CTNNA3: variants seen among roughly 807,000 people sequenced by gnomAD.
CTNNA3 encodes the protein catenin alpha 3, also known as catenin alpha-3.
Under a neutral mutation model 95.7 loss-of-function variants are expected in CTNNA3, and 76 were observed. The ratio of observed to expected loss-of-function variants is 0.79; its 90% CI spans 0.66 to 0.96. The LOEUF (loss-of-function observed/expected upper bound fraction) is 0.96. Among genes scored for constraint, CTNNA3 ranks in the 40% least tolerant of loss-of-function variants. The pLI is 0.00. For synonymous variants in CTNNA3, 431 were observed against 374.4 expected (o/e 1.15, Z -1.74); for missense variants, 1,191 against 1,089.8 (o/e 1.09, Z -1.31).
intron 3 of CTNNA3, among the ~76,000 whole-genome samples, chr10:67,547,726 A>G (rs1200658806): frequency 6.6e-6 from 1 of 152,246 alleles, no homozygotes; most frequent in Non-Finnish European, 1.5e-5. Context: ...ATAAAAATTT[A>G]GTGAAGATAA....
At chr10:67,553,641 T>C (rs1841113313) in intron 3 of CTNNA3, among the ~76,000 whole-genome samples, 1 of 152,184 alleles carries the variant, frequency 6.6e-6, no homozygotes, top group Admixed American at 6.5e-5. Flanking sequence ...AGTCATCACT[T>C]ACACAATGGA....
intron 11 of CTNNA3, among the ~76,000 whole-genome samples, chr10:66,454,159 C>T (rs886996367): frequency 1.3e-5 from 2 of 152,156 alleles, no homozygotes; most frequent in African/African-American, 4.8e-5. Flanking sequence ...TTCCCCCCTG[C>T]AGTCTCTAGG....
intron 12 of CTNNA3, among the ~76,000 whole-genome samples, chr10:66,343,060 T>C (rs2092469482): frequency 6.6e-6 from 1 of 152,032 alleles, no homozygotes; most frequent in African/African-American, 2.4e-5. Context: ...TGGCAGAGTT[T>C]AAAGTCTCTG....
At chr10:67,069,162 G>A (rs544856348) in intron 7 of CTNNA3, among the ~76,000 whole-genome samples, 2 of 152,156 alleles carry the variant, frequency 1.3e-5, no homozygotes, top group South Asian at 4.2e-4. Flanking sequence ...TGGCAACAGT[G>A]AAAGTAGGCT....
At chr10:66,503,465 C>A (rs189313690) in intron 11 of CTNNA3, among the ~76,000 whole-genome samples, 59 of 148,828 alleles carry the variant, frequency 4.0e-4, no homozygotes, top group Non-Finnish European at 3.1e-4. Context: ...ATAACTCCCT[C>A]CAAAAACAGA....
intron 7 of CTNNA3, among the ~76,000 whole-genome samples, chr10:66,973,872 T>G (rs1849870748): frequency 6.6e-6 from 1 of 152,168 alleles, no homozygotes; most frequent in Non-Finnish European, 1.5e-5. Context: ...TTTATCCCCC[T>G]CGGCCTCCCA....
intron 9 of CTNNA3, among the ~76,000 whole-genome samples, chr10:66,659,021 A>T (rs1846164038): frequency 6.6e-6 from 1 of 152,034 alleles, no homozygotes; most frequent in Admixed American, 6.6e-5. Flanking sequence ...TCATTCATTT[A>T]TTCACTCATT....
chr10:66,901,071 A>G (rs1845723318), intron 7 of CTNNA3, among the ~76,000 whole-genome samples: 1 of 152,156 alleles, frequency 6.6e-6, no homozygotes, highest in Admixed American at 6.5e-5. Context: ...CAAGACACAT[A>G]CTTGTCAGAT....
intron 17 of CTNNA3, among the ~76,000 whole-genome samples, chr10:65,949,583 TG>T (rs1341496736): frequency 6.6e-6 from 1 of 152,064 alleles, no homozygotes; most frequent in African/African-American, 2.4e-5. Flanking sequence ...GAAAAAAGCA[TG>T]GGGAGGTAGG....
chr10:66,155,973 C>CACTTTG (rs2133918115), intron 13 of CTNNA3, among the ~76,000 whole-genome samples: 1 of 151,932 alleles, frequency 6.6e-6, no homozygotes, highest in South Asian at 2.1e-4. Context: ...ATTGAAAAGA[C>CACTTTG]ACTTTATCAA....
chr10:67,433,641 A>G (rs896003607), intron 5 of CTNNA3, among the ~76,000 whole-genome samples: 2 of 152,076 alleles, frequency 1.3e-5, no homozygotes, highest in South Asian at 2.1e-4. Context: ...TAAGAATTCA[A>G]TGTATTGAAT....
intron 5 of CTNNA3, among the ~76,000 whole-genome samples, chr10:67,410,631 C>CA (rs61451586): frequency 0.036 from 4,250 of 116,656 alleles, 139 homozygotes; most frequent in African/African-American, 0.095. Flanking sequence ...TCCCCCCACC[C>CA]AAAAAAAAAA....
chr10:66,542,266 T>A (rs1375341502), intron 10 of CTNNA3, among the ~76,000 whole-genome samples: 2 of 151,854 alleles, frequency 1.3e-5, no homozygotes, highest in African/African-American at 4.8e-5. Flanking sequence ...TGTGGAGAAA[T>A]AGGAACACTT....
chr10:67,107,827 C>A (rs1858729905), intron 7 of CTNNA3, among the ~76,000 whole-genome samples: 1 of 152,010 alleles, frequency 6.6e-6, no homozygotes, highest in Non-Finnish European at 1.5e-5. Flanking sequence ...AGGTTCCAGT[C>A]CATTTGCAGC....
intron 5 of CTNNA3, among the ~76,000 whole-genome samples, chr10:67,491,853 A>C (rs954230117): frequency 2.6e-5 from 4 of 152,154 alleles, no homozygotes; most frequent in African/African-American, 9.6e-5. Context: ...CAAGGAATAT[A>C]AGTGGAAAAA....
intron 12 of CTNNA3, among the ~76,000 whole-genome samples, chr10:66,296,919 C>G (rs1260066699): frequency 1.3e-5 from 2 of 152,136 alleles, no homozygotes; most frequent in Non-Finnish European, 2.9e-5. Flanking sequence ...GATAAATAAT[C>G]AGACATGTTA....
intron 13 of CTNNA3, among the ~76,000 whole-genome samples, chr10:66,215,629 G>C (rs992155440): frequency 6.6e-6 from 1 of 152,136 alleles, no homozygotes. Flanking sequence ...AAGCTAAGAT[G>C]GTGGTAGGGA....
At chr10:66,911,367 A>G (rs922788663) in intron 7 of CTNNA3, among the ~76,000 whole-genome samples, 2 of 152,196 alleles carry the variant, frequency 1.3e-5, no homozygotes, top group Non-Finnish European at 2.9e-5. Context: ...TAATAAATAT[A>G]TATCACTATT....
chr10:66,655,215 T>C (rs2132425876), intron 9 of CTNNA3, among the ~76,000 whole-genome samples: 1 of 152,226 alleles, frequency 6.6e-6, no homozygotes, highest in Middle Eastern at 3.4e-3. Flanking sequence ...ATTTTATTTG[T>C]CATTTAAAAA....
Sources: gnomAD v4.1 joint callset for allele counts (sites outside exome capture counted in the v4.1 genomes callset) on GRCh38, gnomAD v4.1.1 for gene constraint, MANE v1.5 for transcripts, NCBI Gene and HGNC (gene_info 2026-07-23, HGNC 2026-07-21) for gene names.